DIAPH2: variants seen among roughly 807,000 people sequenced by gnomAD.
DIAPH2 encodes diaphanous related formin 2, also known as protein diaphanous homolog 2.
A neutral mutation model predicts 92.7 loss-of-function variants in DIAPH2; 35 were observed. The ratio of observed to expected loss-of-function variants is 0.38; its 90% CI spans 0.29 to 0.50. The LOEUF is 0.50. Among genes scored for constraint, DIAPH2 ranks in the 20% least tolerant of loss-of-function variants. DIAPH2 has a pLI of 0.94. For missense variants in DIAPH2, 701 were observed against 819.5 expected (o/e 0.86, Z 1.77); for synonymous variants, 301 against 280.4 (o/e 1.07, Z -0.73).
chrX:97,007,101 T>C (rs1280693372), intron 17 of DIAPH2, among the ~76,000 whole-genome samples: 1 of 111,655 alleles, frequency 9.0e-6, no homozygotes, highest in Non-Finnish European at 1.9e-5. Flanking sequence ...TTTTAACTTT[T>C]TGTTTTTTCT....
intron 22 of DIAPH2, among the ~76,000 whole-genome samples, chrX:97,242,753 T>A (rs1448965219): frequency 9.0e-6 from 1 of 110,710 alleles, no homozygotes; most frequent in East Asian, 2.8e-4. Context: ...GAATGAAATG[T>A]GGCACCCCAC....
At chrX:96,962,428 T>C (rs369598847) in intron 16 of DIAPH2, among the ~76,000 whole-genome samples, 3 of 71,704 alleles carry the variant, frequency 4.2e-5, no homozygotes, top group East Asian at 3.6e-4. Context: ...CACATATATA[T>C]ACATATATAT....
chrX:97,141,692 A>C lies in DIAPH2; in HGVS notation c.2617A>C (p.Lys873Gln), dbSNP rs758220890. 7.5e-6 allele frequency: 9 copies of C among 1,202,386 alleles called. No individual in the cohort carries two copies. Among genetic ancestry groups the C allele is most frequent in the Non-Finnish European group, 9.0e-6 (8 of 892,711 alleles). The change falls in exon 22 of 27, where the codon AAA (lysine) becomes CAA (glutamine). Residue 873 changes from lysine to glutamine, a missense_variant. Physicochemically the swap from Lys to Gln is moderately conservative, Grantham distance 53 (BLOSUM62 1). Coordinates refer to ENST00000324765, the MANE Select transcript of DIAPH2 (RefSeq NM_006729.5). ...KIRDTKSADQKTTLLHFIADI... is the reference protein window; with the variant it reads ...KIRDTKSADQQTTLLHFIADI... ...CAGAGATACTAAATCAGCGGATCAA[A>C]AAACAACCCTTTTGCATTTTATTGC... is the stretch of plus-strand genomic sequence containing the variant.
Position 97,172,295 on chromosome X carries a change from G to A in DIAPH2, c.2719+30501G>A, listed in dbSNP as rs1358306467. ...TTTTCCATTTAGCTTACTATTTTAA[G>A]GAATGTGATAAATCAATTGCGAACC... On this transcript the variant is annotated intron_variant, in intron 22 of 26. Coordinates refer to ENST00000324765, the MANE Select transcript of DIAPH2 (RefSeq NM_006729.5). 6.3e-5 allele frequency among the ~76,000 whole-genome samples: 7 copies of A among 111,912 alleles called. No homozygotes were observed. In the East Asian group the frequency reaches 2.0e-3, roughly 31 times the overall value.
At chrX:97,417,733 A>T (rs985209529) in intron 25 of DIAPH2, among the ~76,000 whole-genome samples, 2 of 110,823 alleles carry the variant, frequency 1.8e-5, no homozygotes, top group African/African-American at 3.3e-5. Context: ...AATAGAATAA[A>T]GTTGTTACAG....
intron 11 of DIAPH2, among the ~76,000 whole-genome samples, chrX:96,938,745 T>C (rs1033661284): frequency 6.2e-5 from 7 of 112,115 alleles, no homozygotes; most frequent in African/African-American, 2.3e-4. Context: ...TATCAAATAA[T>C]GAAATACAAA....
intron 1 of DIAPH2, among the ~76,000 whole-genome samples, chrX:96,694,628 A>G (rs1041643880): frequency 1.3e-4 from 15 of 112,037 alleles, no homozygotes; most frequent in African/African-American, 4.2e-4. Context: ...GGCATGAGCT[A>G]CCGCGCCTGG....
chrX:96,912,872 T>G (rs1218306816), intron 7 of DIAPH2, among the ~76,000 whole-genome samples: 1 of 111,232 alleles, frequency 9.0e-6, no homozygotes, highest in Non-Finnish European at 1.9e-5. Flanking sequence ...AGTTTTACAG[T>G]GAGGTTAAAT....
chrX:96,781,697 A>G (rs2064418946), intron 4 of DIAPH2, among the ~76,000 whole-genome samples: 2 of 108,859 alleles, frequency 1.8e-5, no homozygotes, highest in African/African-American at 6.5e-5. Flanking sequence ...ACATAAATAA[A>G]AAGAAAAAGT....
In DIAPH2 at chrX:97,245,923, A is replaced by G. The variant is rs185800869; in HGVS notation, c.2720-1792A>G. The stretch of plus-strand genomic sequence containing the variant: ...CTTCACTTTTTTTTTTTTTTTTGAG[A>G]CGGAATTTCATTCTTGTTGCCCAGG... On this transcript the variant is annotated intron_variant, in intron 22 of 26. Transcript: ENST00000324765. Among the ~76,000 whole-genome samples the G allele has an allele frequency of 7.1e-3, 721 of 101,162 alleles. 9 individuals are homozygous for G. Among genetic ancestry groups the G allele is most frequent in the African/African-American group, 0.026 (695 of 27,224 alleles). 87.8% of individuals were successfully genotyped at this position (101,162 alleles called of 115,157 possible). A position where few individuals can be genotyped will look rare whatever the true frequency, so the allele number is the denominator to read the frequency against.
At chrX:96,902,896 T>C (rs1404091947) in intron 5 of DIAPH2, among the ~76,000 whole-genome samples, 1 of 111,635 alleles carries the variant, frequency 9.0e-6, no homozygotes, top group Non-Finnish European at 1.9e-5. Context: ...GACATCTACA[T>C]TGAGGACCCA....
chrX:96,949,771 A>G (rs1488306308), intron 15 of DIAPH2, among the ~76,000 whole-genome samples: 1 of 106,724 alleles, frequency 9.4e-6, no homozygotes, highest in Non-Finnish European at 1.9e-5. Context: ...GAGGCAGGAG[A>G]ATGGTGTGAA....
At chrX:96,876,117 C>G (rs2065176773) in intron 4 of DIAPH2, among the ~76,000 whole-genome samples, 2 of 112,110 alleles carry the variant, frequency 1.8e-5, no homozygotes, top group South Asian at 7.5e-4. Context: ...ACAGACACTT[C>G]TCAAAAGAAG....
At position 96,939,559 on chromosome X, in the gene DIAPH2, T is replaced by C. The variant is rs1226015362; in HGVS notation, c.1325+177T>C. On this transcript the variant is annotated intron_variant, in intron 12 of 26. Transcript: ENST00000324765. The stretch of plus-strand genomic sequence containing the variant: ...ATATATATGTATGTATATATGTATA[T>C]ATATATATGTGTGTGTGTGTGTATA... 6.3e-3 allele frequency among the ~76,000 whole-genome samples: 481 copies of C among 75,867 alleles called. 7 individuals carry two copies. Among genetic ancestry groups the C allele is most frequent in the African/African-American group, 0.022 (466 of 21,146 alleles). 65.9% of individuals were successfully genotyped at this position (75,867 alleles called of 115,157 possible).
chrX:97,324,508 A>G (rs2068933684), intron 23 of DIAPH2, among the ~76,000 whole-genome samples: 1 of 112,045 alleles, frequency 8.9e-6, no homozygotes, highest in South Asian at 3.7e-4. Flanking sequence ...TTTGCTTTTC[A>G]TCTCATGCGT....
intron 4 of DIAPH2, among the ~76,000 whole-genome samples, chrX:96,837,404 C>CT (rs2064903389): frequency 3.0e-5 from 2 of 66,066 alleles, no homozygotes; most frequent in Non-Finnish European, 5.8e-5. Flanking sequence ...TTCCTCCCTC[C>CT]CTCTCTCTCT....
chrX:97,477,452 C>T (rs1322123860), intron 26 of DIAPH2, among the ~76,000 whole-genome samples: 3 of 110,907 alleles, frequency 2.7e-5, no homozygotes, highest in African/African-American at 9.9e-5. Flanking sequence ...TGGTGAAACC[C>T]GTCTGTACTA....
intron 26 of DIAPH2, among the ~76,000 whole-genome samples, chrX:97,440,401 G>C (rs1192803061): frequency 9.1e-6 from 1 of 109,910 alleles, no homozygotes; most frequent in African/African-American, 3.3e-5. Flanking sequence ...AGACCAGCCT[G>C]GCCAACATGG....
At chrX:97,433,045 C>G (rs1357169899) in intron 26 of DIAPH2, among the ~76,000 whole-genome samples, 7 of 111,460 alleles carry the variant, frequency 6.3e-5, no homozygotes, top group Non-Finnish European at 1.3e-4. Context: ...AAATCGCCCA[C>G]TCTGAGCCTG....
Sources: allele counts gnomAD v4.1 joint callset (sites outside exome capture counted in the v4.1 genomes callset), GRCh38; gene constraint gnomAD v4.1.1; transcripts MANE v1.5; gene names NCBI Gene and HGNC (gene_info 2026-07-23, HGNC 2026-07-21).